Variants in PRKCA observed in about 807,000 individuals in gnomAD.
The protein encoded by PRKCA is protein kinase C alpha type.
Under a neutral mutation model 87.0 loss-of-function variants are expected in PRKCA, and 27 were observed. The ratio of observed to expected loss-of-function variants is 0.31; its 90% CI spans 0.23 to 0.43. The LOEUF (loss-of-function observed/expected upper bound fraction) is 0.43. Ranked by LOEUF, PRKCA falls within the 20% of genes least tolerant of loss-of-function variation. The pLI, the probability that PRKCA is intolerant of heterozygous loss-of-function variation, is 1.00. For missense variants in PRKCA, 518 were observed against 852.3 expected (o/e 0.61, Z 4.88); for synonymous variants, 329 against 311.1 (o/e 1.06, Z -0.61).
chr17:66,317,035 G>A (rs7406066), intron 2 of PRKCA, among the ~76,000 whole-genome samples: 89,327 of 151,382 alleles, frequency 0.59, 26,431 homozygotes, highest in South Asian at 0.64. Flanking sequence ...CCAGCTACTC[G>A]GGAGGCTGAG....
At chr17:66,547,137 G>A (rs528987256) in intron 3 of PRKCA, among the ~76,000 whole-genome samples, 1 of 151,988 alleles carries the variant, frequency 6.6e-6, no homozygotes, top group South Asian at 2.1e-4. Flanking sequence ...TCTCACTTAG[G>A]TATCGTGTTT....
intron 5 of PRKCA, among the ~76,000 whole-genome samples, chr17:66,664,541 A>G (rs924852747): frequency 6.6e-6 from 1 of 152,038 alleles, no homozygotes; most frequent in African/African-American, 2.4e-5. Flanking sequence ...TTGCCAGGTG[A>G]AAATCTCTTA....
At chr17:66,470,673 G>T (rs970756241) in intron 2 of PRKCA, among the ~76,000 whole-genome samples, 4 of 152,094 alleles carry the variant, frequency 2.6e-5, no homozygotes, top group Admixed American at 2.6e-4. Context: ...TCAGCCCTTC[G>T]TTTCAATACC....
chr17:66,470,195 T>C (rs1438662757), intron 2 of PRKCA, among the ~76,000 whole-genome samples: 1 of 142,064 alleles, frequency 7.0e-6, no homozygotes, highest in Non-Finnish European at 1.5e-5. Context: ...GTTTGCTTTT[T>C]TTTTTTTTTT....
chr17:66,668,433 T>G (rs1444749334), intron 5 of PRKCA, among the ~76,000 whole-genome samples: 1 of 152,138 alleles, frequency 6.6e-6, no homozygotes, highest in African/African-American at 2.4e-5. Context: ...TACCAAGCAC[T>G]GTGAATTGGA....
chr17:66,482,505 C>T (rs1391400185), intron 2 of PRKCA, among the ~76,000 whole-genome samples: 1 of 152,096 alleles, frequency 6.6e-6, no homozygotes, highest in Non-Finnish European at 1.5e-5. Context: ...ATGTTCTTCA[C>T]AAAAAGGAAT....
At chr17:66,364,535 C>T (rs962465465) in intron 2 of PRKCA, among the ~76,000 whole-genome samples, 3 of 151,984 alleles carry the variant, frequency 2.0e-5, no homozygotes, top group Non-Finnish European at 2.9e-5. Flanking sequence ...AGAGAGGGAA[C>T]GATAATGAAG....
intron 2 of PRKCA, among the ~76,000 whole-genome samples, chr17:66,346,170 C>T (rs1202511978): frequency 6.6e-6 from 1 of 150,842 alleles, no homozygotes; most frequent in East Asian, 1.9e-4. Flanking sequence ...TATCTCAGCT[C>T]ACTGCAACTT....
At chr17:66,481,504 G>A (rs569532931) in intron 2 of PRKCA, among the ~76,000 whole-genome samples, 12 of 152,120 alleles carry the variant, frequency 7.9e-5, no homozygotes, top group East Asian at 3.9e-4. Flanking sequence ...TTCCTGAAAC[G>A]TTTCCCCCTG....
At chr17:66,540,321 G>A (rs1189444911) in intron 3 of PRKCA, among the ~76,000 whole-genome samples, 5 of 152,210 alleles carry the variant, frequency 3.3e-5, no homozygotes, top group African/African-American at 9.6e-5. Context: ...AGAGTCTGGA[G>A]CCCTGACTGT....
intron 3 of PRKCA, among the ~76,000 whole-genome samples, chr17:66,543,993 CTT>C (rs1304663811): frequency 5.9e-5 from 9 of 152,306 alleles, no homozygotes; most frequent in East Asian, 5.8e-4. Flanking sequence ...AGGCAGATCA[CTT>C]GAGGTCAGGA....
chr17:66,789,126 A>T, intron 16 of PRKCA, 147 bp downstream of exon 16: 1 of 1,001,452 alleles, frequency 1.0e-6, no homozygotes, highest in South Asian at 1.5e-5. Context: ...CCTTGTCCTC[A>T]GTCCTGTGGC....
intron 13 of PRKCA, among the ~76,000 whole-genome samples, chr17:66,771,150 G>A (rs1251454866): frequency 6.6e-6 from 1 of 151,934 alleles, no homozygotes; most frequent in Non-Finnish European, 1.5e-5. Flanking sequence ...TTACAGGCAT[G>A]CACCACCACA....
rs143649250 is a variant in PRKCA, at chr17:66,747,227, G to A, written c.1524+4467G>A. On this transcript the variant is annotated intron_variant, in intron 13 of 16. Transcript: ENST00000413366. Reference sequence around the variant, plus strand: ...TGGGACTACAGGCATGTGCCACCACGCCTGCTAATTTTAAAAAAATTTTGT... The same window carrying A: ...TGGGACTACAGGCATGTGCCACCACACCTGCTAATTTTAAAAAAATTTTGT... Among the ~76,000 whole-genome samples, 882 of 152,154 alleles carry A rather than the reference G, an allele frequency of 5.8e-3. 7 individuals carry two copies. Among genetic ancestry groups the A allele is most frequent in the Non-Finnish European group, 5.9e-3 (399 of 68,006 alleles).
intron 15 of PRKCA, among the ~76,000 whole-genome samples, chr17:66,788,212 A>G (rs1975447042): frequency 2.0e-5 from 3 of 152,312 alleles, no homozygotes; most frequent in Non-Finnish European, 2.9e-5. Flanking sequence ...GGCATTTGTC[A>G]CGTGTCATCC....
At chr17:66,377,723 T>TA (rs1567797908) in intron 2 of PRKCA, among the ~76,000 whole-genome samples, 30 of 80,960 alleles carry the variant, frequency 3.7e-4, no homozygotes, top group African/African-American at 1.3e-3. Context: ...ATATATATAT[T>TA]TTTTTTTTTT....
At chr17:66,428,180 G>A (rs1912913933) in intron 2 of PRKCA, among the ~76,000 whole-genome samples, 1 of 152,186 alleles carries the variant, frequency 6.6e-6, no homozygotes, top group African/African-American at 2.4e-5. Flanking sequence ...CATGAAGGTT[G>A]TAGGCACTGC....
chr17:66,551,446 C>A (rs1357952475), intron 3 of PRKCA, among the ~76,000 whole-genome samples: 4 of 152,250 alleles, frequency 2.6e-5, no homozygotes, highest in Non-Finnish European at 5.9e-5. Context: ...TAGTTCCTTG[C>A]AAGCTGTTGG....
At chr17:66,324,967 C>T (rs978073994) in intron 2 of PRKCA, among the ~76,000 whole-genome samples, 93 of 152,220 alleles carry the variant, frequency 6.1e-4, no homozygotes, top group African/African-American at 2.1e-3. Context: ...CCCTTCCTAG[C>T]TACAGATCTC....
Sources: allele counts gnomAD v4.1 joint callset (sites outside exome capture counted in the v4.1 genomes callset), GRCh38; gene constraint gnomAD v4.1.1; transcripts MANE v1.5; gene names NCBI Gene and HGNC (gene_info 2026-07-23, HGNC 2026-07-21).